Variants in STOX1 observed in about 807,000 individuals in gnomAD.
The protein encoded by STOX1 is storkhead-box protein 1.
STOX1 carries 57 observed loss-of-function variants against 74.8 expected under a neutral mutation model. The observed-to-expected ratio is 0.76, with a 90% CI of 0.62 to 0.95. The LOEUF (loss-of-function observed/expected upper bound fraction) is 0.95. STOX1 is among the 40% of genes least tolerant of loss of function. STOX1 has a pLI of 0.00. For missense variants in STOX1, 1,010 were observed against 1,117.0 expected, an observed-to-expected ratio of 0.90 and a Z score of 1.37; for synonymous variants, 375 against 401.3, an observed-to-expected ratio of 0.93 and a Z score of 0.78.
intron 1 of STOX1, among the ~76,000 whole-genome samples, chr10:68,859,818 CT>C (rs767475688): frequency 5.0e-4 from 76 of 152,046 alleles, no homozygotes; most frequent in Non-Finnish European, 6.9e-4. Flanking sequence ...AGACTTGGGC[CT>C]TTGATTTCTG....
At chr10:68,848,728 G>C (rs1405282647) in intron 1 of STOX1, among the ~76,000 whole-genome samples, 1 of 152,128 alleles carries the variant, frequency 6.6e-6, no homozygotes, top group Non-Finnish European at 1.5e-5. Context: ...ATAGTGGCAT[G>C]ATCATAGCTC....
Position 68,884,286 on chromosome 10 carries a change from C to T in STOX1, c.490C>T (p.Leu164Phe). Residue 164 changes from leucine to phenylalanine, a missense_variant, in exon 3 of 4, where the codon CTT becomes TTT. Transcript: ENST00000298596. ...PGIAIPSEDILYTTLGTLIKE... is the reference protein window; with the variant it reads ...PGIAIPSEDIFYTTLGTLIKE... ...CATTGCAATTCCATCGGAAGATATT[C>T]TTTATACCACTCTGGGAACGCTGAT... is the stretch of plus-strand genomic sequence containing the variant. 6.2e-7 allele frequency: 1 copy of T among 1,614,122 alleles called. No individual in the cohort carries two copies. The highest frequency in any genetic ancestry group is 1.1e-5 in the South Asian group (1 of 91,056).
chr10:68,890,359 C>T (rs973783425), intron 3 of STOX1, among the ~76,000 whole-genome samples: 2 of 151,754 alleles, frequency 1.3e-5, no homozygotes, highest in African/African-American at 4.8e-5. Flanking sequence ...AATGAGGTCT[C>T]ACTATGTTGT....
intron 1 of STOX1, among the ~76,000 whole-genome samples, chr10:68,848,211 T>G (rs1164360916): frequency 2.0e-5 from 3 of 152,232 alleles, no homozygotes; most frequent in Admixed American, 2.0e-4. Context: ...AAAACACATC[T>G]GGCATTTTCC....
chr10:68,870,291 T>C (rs1840506592), intron 1 of STOX1, among the ~76,000 whole-genome samples: 1 of 152,178 alleles, frequency 6.6e-6, no homozygotes, highest in Non-Finnish European at 1.5e-5. Flanking sequence ...TCCAGAATCT[T>C]GGGAAGAAGA....
Position 68,840,000 on chromosome 10 carries a change from T to C in STOX1, c.310+12067T>C, listed in dbSNP as rs188662098. On this transcript the variant is annotated intron_variant, in intron 1 of 3. Coordinates refer to ENST00000298596, the MANE Select transcript of STOX1 (RefSeq NM_152709.5). ...GCATAAACACAGATATATACAGCAA[T>C]GGAACAGGATAGAGAGCCCAGAAAT... Among the ~76,000 whole-genome samples, 18 of 152,090 alleles carry C rather than the reference T, an allele frequency of 1.2e-4. No homozygotes were observed. In the Middle Eastern group the frequency reaches 0.01, roughly 86 times the overall value.
At chr10:68,837,563 C>G in intron 1 of STOX1, among the ~76,000 whole-genome samples, 1 of 152,190 alleles carries the variant, frequency 6.6e-6, no homozygotes, top group Non-Finnish European at 1.5e-5. Context: ...ACTTCTCAGC[C>G]TGAAGTATGC....
intron 3 of STOX1, among the ~76,000 whole-genome samples, chr10:68,890,649 C>CTTT (rs11366165): frequency 5.1e-5 from 6 of 117,374 alleles, no homozygotes; most frequent in Non-Finnish European, 8.6e-5. Flanking sequence ...AAGACCTTTT[C>CTTT]TTTTTTTTTT....
At chr10:68,837,873 A>C (rs1839596307) in intron 1 of STOX1, among the ~76,000 whole-genome samples, 1 of 152,198 alleles carries the variant, frequency 6.6e-6, no homozygotes, top group African/African-American at 2.4e-5. Flanking sequence ...ATCTATGCAA[A>C]CACTTTGAAA....
Position 68,886,374 on chromosome 10 carries a change from G to A in STOX1, c.2578G>A (p.Ala860Thr), listed in dbSNP as rs201329017. Residue 860 changes from alanine (A) to threonine (T), a missense_variant, in exon 3 of 4, where the codon GCA becomes ACA. Coordinates refer to ENST00000298596, the MANE Select transcript of STOX1 (RefSeq NM_152709.5). ...TGAAAGAATCTTTGATTACTATAGC[G>A]CAAGAAAAGCCAGTTTTGAAGCTGA... ...ADERIFDYYS[A>T]RKASFEAEVI... 1.1e-3 allele frequency: 1,854 copies of A among 1,614,032 alleles called. 2 individuals are homozygous for A. Among genetic ancestry groups the A allele is most frequent in the Non-Finnish European group, 1.3e-3 (1,561 of 1,180,042 alleles).
At position 68,885,962 on chromosome 10, in the gene STOX1, G is replaced by C. The variant is rs747715287; in HGVS notation, c.2166G>C (p.Gln722His). ...CTAACGATGACCAGGCCTTGTATCAGAATGAAGTGGAAGATGATGATGGTG... is the reference window on the plus strand; with the variant it reads ...CTAACGATGACCAGGCCTTGTATCACAATGAAGTGGAAGATGATGATGGTG... ...QLSNDDQALYQNEVEDDDGAC... is the reference protein window; with the variant it reads ...QLSNDDQALYHNEVEDDDGAC... Residue 722 changes from glutamine (Q) to histidine (H), a missense_variant, in exon 3 of 4, where the codon CAG becomes CAC. Physicochemically the swap from Gln to His is conservative, Grantham distance 24. Coordinates refer to ENST00000298596, the MANE Select transcript of STOX1 (RefSeq NM_152709.5). The C allele has an allele frequency of 6.2e-7, 1 of 1,614,188 alleles. No homozygotes were observed. Among genetic ancestry groups the C allele is most frequent in the South Asian group, 1.1e-5 (1 of 91,086 alleles).
At chr10:68,880,164 C>CTTTTTTTTTTTTTTTTTTTTT (rs71028800) in intron 1 of STOX1, among the ~76,000 whole-genome samples, 23 of 124,428 alleles carry the variant, frequency 1.8e-4, no homozygotes, top group Middle Eastern at 4.5e-3. Flanking sequence ...TCTTTCTTTC[C>CTTTTTTTTTTTTTTTTTTTTT]TTTTTTTTTT....
At chr10:68,879,418 A>T (rs931561144) in intron 1 of STOX1, among the ~76,000 whole-genome samples, 1 of 151,854 alleles carries the variant, frequency 6.6e-6, no homozygotes, top group Non-Finnish European at 1.5e-5. Context: ...TTATTTTCTC[A>T]AGTCTCAGAT....
At chr10:68,878,643 C>G (rs1323455681) in intron 1 of STOX1, among the ~76,000 whole-genome samples, 1 of 152,176 alleles carries the variant, frequency 6.6e-6, no homozygotes, top group Non-Finnish European at 1.5e-5. Flanking sequence ...AACAAGGGAA[C>G]AATGGAAAGT....
chr10:68,889,442 C>G (rs1049021866), intron 3 of STOX1, among the ~76,000 whole-genome samples: 1 of 152,184 alleles, frequency 6.6e-6, no homozygotes, highest in Non-Finnish European at 1.5e-5. Context: ...CAGGCATGAG[C>G]CCTGTACCAG....
intron 2 of STOX1, among the ~76,000 whole-genome samples, chr10:68,882,772 C>T (rs1465663336): frequency 6.6e-6 from 1 of 152,238 alleles, no homozygotes; most frequent in Non-Finnish European, 1.5e-5. Flanking sequence ...GTTGGGATTA[C>T]AGGCAAGGGC....
At chr10:68,828,301 C>G in intron 1 of STOX1, 1 of 1,172,568 alleles carries the variant, frequency 8.5e-7, no homozygotes, top group African/African-American at 1.6e-5. Context: ...GAGGGGCGTC[C>G]CGCGCCAGCT....
chr10:68,879,678 C>T (rs1315387528), intron 1 of STOX1, among the ~76,000 whole-genome samples: 1 of 152,150 alleles, frequency 6.6e-6, no homozygotes, highest in Non-Finnish European at 1.5e-5. Flanking sequence ...TCTCCTTATT[C>T]ACCATCAGAT....
intron 1 of STOX1, among the ~76,000 whole-genome samples, chr10:68,874,660 C>CAAA (rs545162403): frequency 7.8e-6 from 1 of 128,660 alleles, no homozygotes; most frequent in Non-Finnish European, 1.7e-5. Flanking sequence ...GACTCCGTCT[C>CAAA]AAAAAAAAAA....
Sources: gnomAD v4.1 joint callset for allele counts (sites outside exome capture counted in the v4.1 genomes callset) on GRCh38, gnomAD v4.1.1 for gene constraint, MANE v1.5 for transcripts, NCBI Gene and HGNC (gene_info 2026-07-23, HGNC 2026-07-21) for gene names.